CERT1: variants seen among roughly 807,000 people sequenced by gnomAD.
CERT1 encodes ceramide transporter 1.
CERT1 carries 31 observed loss-of-function variants against 87.9 expected under a neutral mutation model. The ratio of observed to expected loss-of-function variants is 0.35; its 90% confidence interval spans 0.27 to 0.48. The LOEUF (loss-of-function observed/expected upper bound fraction) is 0.48. CERT1 is among the 20% of genes least tolerant of loss of function. The pLI is 0.99. For missense variants in CERT1, 487 were observed against 758.0 expected, an observed-to-expected ratio of 0.64 and a Z score of 4.20; for synonymous variants, 289 against 250.9, an observed-to-expected ratio of 1.15 and a Z score of -1.44.
chr5:75,419,355 C>T lies in CERT1; in HGVS notation c.665G>A (p.Gly222Asp), dbSNP rs1304852639. 3.1e-6 allele frequency: 5 copies of T among 1,609,600 alleles called. No homozygotes were observed. Among genetic ancestry groups the T allele is most frequent in the South Asian group, 1.1e-5 (1 of 90,738 alleles). Residue 222 changes from glycine to aspartate, a missense_variant, in exon 6 of 17, where the codon GGC becomes GAC. Gly to Asp is a moderately conservative substitution (Grantham distance 94, BLOSUM62 -1). Around this residue, in one of 8 missense-constraint regions of CERT1, gnomAD observed 173 missense variants for 302.2 expected, o/e 0.57. Transcript: ENST00000643780. ...SDGDFLHSTNGNKEKLFPHVT... is the reference protein window; with the variant it reads ...SDGDFLHSTNDNKEKLFPHVT... ...GTATTACTTACACTTTTCTTTATTGCCGTTGGTACTATGCAAGAAGTCACC... is the reference window on the plus strand; with the variant it reads ...GTATTACTTACACTTTTCTTTATTGTCGTTGGTACTATGCAAGAAGTCACC...
intron 2 of CERT1, among the ~76,000 whole-genome samples, chr5:75,485,395 A>C (rs1360863364): frequency 6.6e-6 from 1 of 151,276 alleles, no homozygotes; most frequent in Non-Finnish European, 1.5e-5. Flanking sequence ...ACTAAGAGGG[A>C]CATTTATATT....
chr5:75,393,603 A>T lies in CERT1; in HGVS notation c.1189-3916T>A, dbSNP rs1219048278. Among the ~76,000 whole-genome samples the T allele has an allele frequency of 9.4e-5, 5 of 53,342 alleles. No homozygotes were observed. In the East Asian group the frequency reaches 2.6e-3, roughly 27 times the overall value. The allele number at this position is 53,342 out of a possible 152,430, so 35.0% of individuals were successfully genotyped here. A position where few individuals can be genotyped will look rare whatever the true frequency, so the allele number is the denominator to read the frequency against. ...CAACATAGCAAGACCTCATCTACTT[A>T]AAAAAAAAAAAAAAAAAAAAGAAAG... On this transcript the variant is annotated intron_variant, in intron 11 of 16. Transcript: ENST00000643780.
At chr5:75,407,281 T>G (rs1179670797) in intron 8 of CERT1, among the ~76,000 whole-genome samples, 3 of 151,998 alleles carry the variant, frequency 2.0e-5, no homozygotes, top group African/African-American at 7.2e-5. Flanking sequence ...TGTATTAATA[T>G]ATTTAGAAGA....
chr5:75,374,694 T>G (rs1761223380), downstream of CERT1: 3 of 609,752 alleles, frequency 4.9e-6, no homozygotes, highest in Admixed American at 5.5e-5. Context: ...GTGTGAGTTG[T>G]GCAACTCACA....
At chr5:75,458,888 A>G (rs1436571776) in intron 3 of CERT1, among the ~76,000 whole-genome samples, 177 bp downstream of exon 3, 1 of 152,202 alleles carries the variant, frequency 6.6e-6, no homozygotes, top group Non-Finnish European at 1.5e-5. Context: ...TAGTACAACT[A>G]AAGTGTTAAA....
At chr5:75,470,841 A>G (rs1165983220) in intron 2 of CERT1, among the ~76,000 whole-genome samples, 1 of 152,192 alleles carries the variant, frequency 6.6e-6, no homozygotes, top group African/African-American at 2.4e-5. Context: ...AAAACCCTAA[A>G]GACTCCACCA....
At chr5:75,474,121 AT>A (rs1765847067) in intron 2 of CERT1, among the ~76,000 whole-genome samples, 1 of 152,178 alleles carries the variant, frequency 6.6e-6, no homozygotes. Context: ...TTATTCATAG[AT>A]TCCAGACATT....
intron 11 of CERT1, among the ~76,000 whole-genome samples, chr5:75,395,837 G>A (rs918502352): frequency 2.0e-5 from 3 of 151,980 alleles, no homozygotes; most frequent in Non-Finnish European, 4.4e-5. Flanking sequence ...GTGACAGAAT[G>A]AGACTCTGTC....
intron 13 of CERT1, 36 bp from the exon 14 acceptor site, chr5:75,384,748 T>G (rs766257182): frequency 7.5e-7 from 1 of 1,327,418 alleles, no homozygotes; most frequent in Admixed American, 1.7e-5. Context: ...ATATATTATC[T>G]TTTCCTAGAA....
At chr5:75,451,212 C>T (rs779615814) in intron 3 of CERT1, among the ~76,000 whole-genome samples, 17 of 152,036 alleles carry the variant, frequency 1.1e-4, no homozygotes, top group Non-Finnish European at 2.1e-4. Flanking sequence ...TATGGATTAC[C>T]GCATGCAATT....
intron 12 of CERT1, among the ~76,000 whole-genome samples, chr5:75,387,355 G>A (rs1406642519): frequency 6.6e-6 from 1 of 152,134 alleles, no homozygotes; most frequent in African/African-American, 2.4e-5. Context: ...CTTTTCTACT[G>A]TTCTAGGTAG....
chr5:75,475,213 C>A (rs1315971542), intron 2 of CERT1, among the ~76,000 whole-genome samples: 1 of 152,042 alleles, frequency 6.6e-6, no homozygotes, highest in Non-Finnish European at 1.5e-5. Context: ...TGATTTATAG[C>A]AAGGAACAAA....
chr5:75,489,768 C>A (rs945703695), intron 2 of CERT1, among the ~76,000 whole-genome samples: 2 of 152,144 alleles, frequency 1.3e-5, no homozygotes, highest in Admixed American at 1.3e-4. Flanking sequence ...GAAATAGGAA[C>A]GCTTTTACTC....
At chr5:75,506,555 A>G (rs1767658203) in intron 1 of CERT1, among the ~76,000 whole-genome samples, 1 of 152,224 alleles carries the variant, frequency 6.6e-6, no homozygotes, top group Non-Finnish European at 1.5e-5. Flanking sequence ...GACTGCATGA[A>G]GCCTTCTAAA....
Position 75,393,988 on chromosome 5 carries a change from T to A in CERT1, c.1189-4301A>T, listed in dbSNP as rs941370758. ...TCAAAAAAGGAAATACAACTATGCTTACTACAAAGCCACAAAACCATAGAG... is the reference window on the plus strand; with the variant it reads ...TCAAAAAAGGAAATACAACTATGCTAACTACAAAGCCACAAAACCATAGAG... On this transcript the variant is annotated intron_variant, in intron 11 of 16. Coordinates refer to ENST00000643780, the MANE Select transcript of CERT1 (RefSeq NM_001379029.1). 5.9e-5 allele frequency among the ~76,000 whole-genome samples: 9 copies of A among 151,900 alleles called. 1 individual carries two copies. Among genetic ancestry groups the A allele is most frequent in the Non-Finnish European group, 1.2e-4 (8 of 67,946 alleles).
At chr5:75,444,586 T>C (rs966037763) in intron 3 of CERT1, among the ~76,000 whole-genome samples, 5 of 148,672 alleles carry the variant, frequency 3.4e-5, no homozygotes, top group African/African-American at 1.2e-4. Context: ...TCTCATTCTG[T>C]CACCAGGCTG....
intron 2 of CERT1, among the ~76,000 whole-genome samples, chr5:75,462,016 T>C (rs1765254200): frequency 6.6e-6 from 1 of 152,196 alleles, no homozygotes; most frequent in Non-Finnish European, 1.5e-5. Flanking sequence ...TTTTGCTCAT[T>C]ATACAGTAAT....
At chr5:75,433,907 T>C (rs1299779334) in intron 3 of CERT1, among the ~76,000 whole-genome samples, 1 of 152,200 alleles carries the variant, frequency 6.6e-6, no homozygotes, top group Admixed American at 6.5e-5. Flanking sequence ...TATGGGGTTT[T>C]CTAGGAATAG....
At chr5:75,395,881 A>AAACAAC (rs530981055) in intron 11 of CERT1, among the ~76,000 whole-genome samples, 3 of 151,788 alleles carry the variant, frequency 2.0e-5, no homozygotes, top group South Asian at 2.1e-4. Context: ...ATGAAAAAAC[A>AAACAAC]AACAACAACA....
Sources: allele counts gnomAD v4.1 joint callset (sites outside exome capture counted in the v4.1 genomes callset), GRCh38; gene constraint gnomAD v4.1.1; regional missense constraint gnomAD v4.1.1; transcripts MANE v1.5; gene names NCBI Gene and HGNC (gene_info 2026-07-23, HGNC 2026-07-21).